TBC1D9: variants seen among roughly 807,000 people sequenced by gnomAD.
The protein encoded by TBC1D9 is TBC1 domain family member 9A.
Under a neutral mutation model 132.0 loss-of-function variants are expected in TBC1D9, and 63 were observed. The ratio of observed to expected loss-of-function variants is 0.48; its 90% CI spans 0.39 to 0.59. The LOEUF (loss-of-function observed/expected upper bound fraction) is 0.59. Among genes scored for constraint, TBC1D9 ranks in the 20% least tolerant of loss-of-function variants. The probability of loss-of-function intolerance (pLI) is 0.00; values close to 1 mark genes in which losing one functional copy is unlikely to be tolerated. For synonymous variants in TBC1D9, 610 were observed against 609.9 expected, an observed-to-expected ratio of 1.00 and a Z score of 0.00; for missense variants, 1,261 against 1,592.7, an observed-to-expected ratio of 0.79 and a Z score of 3.54.
chr4:140,627,659 G>T, intron 17 of TBC1D9, 132 bp from the exon 18 acceptor site: 1 of 631,170 alleles, frequency 1.6e-6, no homozygotes, highest in Non-Finnish European at 2.8e-6. Flanking sequence ...GGGGCCTTGA[G>T]TGCCTACTGT....
chr4:140,643,431 G>A, intron 13 of TBC1D9: 1 of 954,710 alleles, frequency 1.0e-6, no homozygotes, highest in East Asian at 2.5e-5. Flanking sequence ...TTCCAGGCCG[G>A]GCAGGAACTG....
chr4:140,695,324 C>G (rs1471292663), intron 2 of TBC1D9, among the ~76,000 whole-genome samples: 1 of 152,170 alleles, frequency 6.6e-6, no homozygotes, highest in Non-Finnish European at 1.5e-5. Context: ...GATAGCTGCT[C>G]TATCTTTCAT....
At chr4:140,634,883 A>G (rs572462558) in intron 15 of TBC1D9, among the ~76,000 whole-genome samples, 2 of 152,166 alleles carry the variant, frequency 1.3e-5, no homozygotes, top group Non-Finnish European at 2.9e-5. Flanking sequence ...CAGAATAGAG[A>G]TCCAGACCCA....
intron 1 of TBC1D9, among the ~76,000 whole-genome samples, chr4:140,737,803 T>G (rs1211721603): frequency 1.3e-5 from 2 of 152,200 alleles, no homozygotes; most frequent in African/African-American, 4.8e-5. Flanking sequence ...TTGAGGAATG[T>G]TAGACATTAG....
At chr4:140,648,068 T>A (rs1308331776) in intron 13 of TBC1D9, among the ~76,000 whole-genome samples, 4 of 152,134 alleles carry the variant, frequency 2.6e-5, no homozygotes, top group Admixed American at 2.6e-4. Flanking sequence ...TATAATACCT[T>A]CTCTCAGGCA....
chr4:140,723,139 G>C (rs1738448793), intron 1 of TBC1D9, among the ~76,000 whole-genome samples: 1 of 152,184 alleles, frequency 6.6e-6, no homozygotes. Flanking sequence ...ATAATGCTTA[G>C]TAATTACTGT....
At chr4:140,688,484 A>G (rs964319582) in intron 2 of TBC1D9, among the ~76,000 whole-genome samples, 2 of 152,284 alleles carry the variant, frequency 1.3e-5, no homozygotes, top group East Asian at 3.9e-4. Flanking sequence ...TGGGCAACAT[A>G]GTGATACCCT....
intron 1 of TBC1D9, among the ~76,000 whole-genome samples, chr4:140,739,447 C>T (rs1370526452): frequency 6.6e-6 from 1 of 152,144 alleles, no homozygotes; most frequent in Admixed American, 6.6e-5. Flanking sequence ...CAAATCCAAG[C>T]TCTGCCTATG....
rs370619288 is a variant in TBC1D9, at chr4:140,639,413, G to A, written c.2353C>T (p.Arg785Trp). The change falls in exon 14 of 21, where the codon CGG becomes TGG. Residue 785 changes from arginine to tryptophan, a missense_variant. Transcript: ENST00000442267. Reference sequence around the variant, plus strand: ...CTCATCTGTTCAATCAAATCTGCCCGGATAGTTCCGAATTTCTGTAAAGGA... The same window carrying A: ...CTCATCTGTTCAATCAAATCTGCCCAGATAGTTCCGAATTTCTGTAAAGGA... ...RTSYEKFGTI[R>W]ADLIEQMRFK... The A allele has an allele frequency of 5.4e-5, 87 of 1,610,394 alleles. No homozygotes were observed. The East Asian group carries it at 1.1e-3, about 21-fold the overall frequency.
intron 6 of TBC1D9, among the ~76,000 whole-genome samples, chr4:140,673,718 T>A (rs966016150): frequency 6.6e-6 from 1 of 152,182 alleles, no homozygotes; most frequent in African/African-American, 2.4e-5. Context: ...CTCTGCAGAC[T>A]GCCTCTCTTC....
chr4:140,659,666 T>C lies in TBC1D9; in HGVS notation c.1843A>G (p.Lys615Glu). The C allele has an allele frequency of 6.2e-7, 1 of 1,608,036 alleles. No homozygotes were observed. The highest frequency in any genetic ancestry group is 8.5e-7 in the Non-Finnish European group (1 of 1,177,276). ...IVTSVLLLYAKEEEAFWLLVA... is the reference protein window; with the variant it reads ...IVTSVLLLYAEEEEAFWLLVA... ...AGCAGCCAGAAAGCTTCCTCCTCTTTGGCATAAAGCAGCAGCACTGAAGTG... is the reference window on the plus strand; with the variant it reads ...AGCAGCCAGAAAGCTTCCTCCTCTTCGGCATAAAGCAGCAGCACTGAAGTG... Residue 615 changes from lysine to glutamate, a missense_variant, in exon 11 of 21, where the codon AAA becomes GAA. Physicochemically the swap from Lys to Glu is moderately conservative, Grantham distance 56 (BLOSUM62 1). This residue lies in a region of TBC1D9 where 93 missense variants were observed against 169.2 expected (regional missense o/e 0.55). Coordinates refer to ENST00000442267, the MANE Select transcript of TBC1D9 (RefSeq NM_015130.3).
At position 140,677,066 on chromosome 4, in the gene TBC1D9, CG is replaced by C; in HGVS notation, c.886del (p.Arg296ValfsTer12). The C allele has an allele frequency of 1.2e-6, 2 of 1,613,850 alleles. No individual in the cohort carries two copies. Among genetic ancestry groups the C allele is most frequent in the Non-Finnish European group, 1.7e-6 (2 of 1,179,836 alleles). On this transcript the variant is annotated frameshift_variant, in exon 6 of 21. Transcript: ENST00000442267. LOFTEE classifies it high-confidence loss of function. ...ATCTTTGGGCAGCCGGAAAAGTGCACGGTATCTCTCACTCTTTGCCCTGGCA... is the reference window on the plus strand; with the variant it reads ...ATCTTTGGGCAGCCGGAAAAGTGCACGTATCTCTCACTCTTTGCCCTGGCA... ...LDARAKSERY[R>X]ALFRLPKDEK...
rs559966471 is a variant in TBC1D9 at position 140,730,586 on chromosome 4, G to T, written c.130+25330C>A. ...TACTAAAAATACAAAAATTAGCCAG[G>T]TGTGGTGGTGGGTGCTACAATCCCA... On this transcript the variant is annotated intron_variant, in intron 1 of 20. Transcript: ENST00000442267. 8.5e-5 allele frequency among the ~76,000 whole-genome samples: 13 copies of T among 152,232 alleles called. No homozygotes were observed. In the East Asian group the frequency reaches 2.5e-3, roughly 29 times the overall value.
intron 11 of TBC1D9, among the ~76,000 whole-genome samples, chr4:140,658,541 A>T (rs1015977876): frequency 1.6e-4 from 25 of 152,240 alleles, no homozygotes; most frequent in African/African-American, 5.8e-4. Context: ...TATTAATTAA[A>T]AAAAATAATA....
At chr4:140,673,526 A>G (rs1050102592) in intron 6 of TBC1D9, among the ~76,000 whole-genome samples, 11 of 152,162 alleles carry the variant, frequency 7.2e-5, no homozygotes, top group Non-Finnish European at 1.5e-4. Flanking sequence ...TTCTGACATT[A>G]TCATTACCTA....
At chr4:140,745,400 G>A (rs1336582574) in intron 1 of TBC1D9, among the ~76,000 whole-genome samples, 1 of 152,098 alleles carries the variant, frequency 6.6e-6, no homozygotes, top group Non-Finnish European at 1.5e-5. Context: ...GGTTTGAACT[G>A]CCTGGATCTA....
chr4:140,690,740 T>C (rs1209212048), intron 2 of TBC1D9, among the ~76,000 whole-genome samples: 1 of 152,074 alleles, frequency 6.6e-6, no homozygotes, highest in East Asian at 1.9e-4. Context: ...GAAGACTGGA[T>C]TCTATGACCA....
chr4:140,725,098 A>G (rs888375875), intron 1 of TBC1D9, among the ~76,000 whole-genome samples: 38 of 152,224 alleles, frequency 2.5e-4, no homozygotes, highest in African/African-American at 8.2e-4. Flanking sequence ...GCCAAATAAC[A>G]TATGTACACG....
chr4:140,748,390 G>A (rs1283871327), intron 1 of TBC1D9, among the ~76,000 whole-genome samples: 1 of 152,046 alleles, frequency 6.6e-6, no homozygotes, highest in African/African-American at 2.4e-5. Flanking sequence ...ACATGTAATT[G>A]GAGTGCCAGA....
Sources: allele counts gnomAD v4.1 joint callset (sites outside exome capture counted in the v4.1 genomes callset), GRCh38; gene constraint gnomAD v4.1.1; regional missense constraint gnomAD v4.1.1; transcripts MANE v1.5; gene names NCBI Gene and HGNC (gene_info 2026-07-23, HGNC 2026-07-21).